The following LRRC4C variants were observed in gnomAD, a reference collection of about 807,000 sequenced individuals.
LRRC4C encodes the protein leucine-rich repeat-containing protein 4C.
Under a neutral mutation model 33.6 loss-of-function variants are expected in LRRC4C, and 5 were observed. That is an observed-to-expected ratio of 0.15 (90% CI 0.08 to 0.31). The LOEUF is 0.31. LRRC4C is among the 10% of genes least tolerant of loss of function. The pLI, the probability that LRRC4C is intolerant of heterozygous loss-of-function variation, is 1.00. For missense variants in LRRC4C, 560 were observed against 796.7 expected (o/e 0.70, Z 3.58); for synonymous variants, 329 against 302.0 (o/e 1.09, Z -0.93).
chr11:40,523,470 C>T (rs966489094), intron 3 of LRRC4C, among the ~76,000 whole-genome samples: 1 of 150,822 alleles, frequency 6.6e-6, no homozygotes, highest in Non-Finnish European at 1.5e-5. Context: ...TACCATCCTG[C>T]AGTCTTACTG....
chr11:40,979,149 T>C (rs1297980437), intron 1 of LRRC4C, among the ~76,000 whole-genome samples: 1 of 152,190 alleles, frequency 6.6e-6, no homozygotes, highest in Non-Finnish European at 1.5e-5. Flanking sequence ...ATTCTCATAC[T>C]AGGCATATGA....
At chr11:40,659,480 T>C (rs1382347321) in intron 2 of LRRC4C, among the ~76,000 whole-genome samples, 1 of 152,114 alleles carries the variant, frequency 6.6e-6, no homozygotes, top group Non-Finnish European at 1.5e-5. Flanking sequence ...TCAGAGCTCA[T>C]GGTGCTTTTT....
chr11:40,800,406 C>T lies in LRRC4C; in HGVS notation c.-407+133229G>A, dbSNP rs1950993616. ...TGGTGGCCATGGATGATATAATACA[C>T]TCTTCATCAATACCCATATTTTGTG... On this transcript the variant is annotated intron_variant, in intron 2 of 6. Transcript: ENST00000528697. 3.3e-5 allele frequency among the ~76,000 whole-genome samples: 5 copies of T among 152,172 alleles called. No homozygotes were observed. The South Asian group carries it at 1.0e-3, about 31-fold the overall frequency.
chr11:40,917,337 TAC>T (rs890817552), intron 2 of LRRC4C, among the ~76,000 whole-genome samples: 1 of 152,142 alleles, frequency 6.6e-6, no homozygotes, highest in Non-Finnish European at 1.5e-5. Flanking sequence ...ATAGAACATT[TAC>T]AGAGCTTTTC....
chr11:41,437,401 A>C (rs1442737351), intron 1 of LRRC4C, among the ~76,000 whole-genome samples: 1 of 138,116 alleles, frequency 7.2e-6, no homozygotes, highest in Admixed American at 7.7e-5. Flanking sequence ...ACACACACGC[A>C]CACACACAAA....
chr11:41,128,757 C>T lies in LRRC4C; in HGVS notation c.-495-195034G>A, dbSNP rs543295411. ...TTGGCAGGTCATTTATTTTCTAATTCCCAGATTAAAACATTTTTTTAGGCC... is the reference window on the plus strand; with the variant it reads ...TTGGCAGGTCATTTATTTTCTAATTTCCAGATTAAAACATTTTTTTAGGCC... On this transcript the variant is annotated intron_variant, in intron 1 of 6. Transcript: ENST00000528697. Among the ~76,000 whole-genome samples the T allele has an allele frequency of 3.9e-4, 59 of 151,938 alleles. No individual in the cohort carries two copies. The South Asian group carries it at 0.012, about 32-fold the overall frequency.
At chr11:40,467,328 AATC>A (rs1349254541) in intron 3 of LRRC4C, among the ~76,000 whole-genome samples, 1 of 152,098 alleles carries the variant, frequency 6.6e-6, no homozygotes, top group Non-Finnish European at 1.5e-5. Context: ...TTTTTAAAAA[AATC>A]ATCATTATTA....
chr11:40,738,422 A>G (rs1001788611), intron 2 of LRRC4C, among the ~76,000 whole-genome samples: 3 of 152,072 alleles, frequency 2.0e-5, no homozygotes, highest in South Asian at 4.1e-4. Flanking sequence ...TCTATGTACT[A>G]TCTCTCTTCT....
rs560372968 is a variant in LRRC4C at position 40,213,566 on chromosome 11, T to G, written c.-96+27953A>C. Among the ~76,000 whole-genome samples the G allele has an allele frequency of 2.0e-4, 30 of 152,278 alleles. No individual in the cohort carries two copies. The South Asian group carries it at 6.2e-3, about 32-fold the overall frequency. On this transcript the variant is annotated intron_variant, in intron 5 of 6. Coordinates refer to ENST00000528697, the MANE Select transcript of LRRC4C (RefSeq NM_001258419.2). ...GTAGCCAAAACAAAGGAACATTATATGGCCACCCTGATTCCCAAGATCCGT... is the reference window on the plus strand; with the variant it reads ...GTAGCCAAAACAAAGGAACATTATAGGGCCACCCTGATTCCCAAGATCCGT...
intron 1 of LRRC4C, among the ~76,000 whole-genome samples, chr11:41,290,142 T>G (rs1591171682): frequency 6.6e-6 from 1 of 152,186 alleles, no homozygotes; most frequent in Non-Finnish European, 1.5e-5. Flanking sequence ...ATGGACCACA[T>G]ACCAAAAACA....
chr11:40,652,961 C>T (rs1016911128), intron 2 of LRRC4C, among the ~76,000 whole-genome samples: 4 of 152,138 alleles, frequency 2.6e-5, no homozygotes, highest in Admixed American at 2.6e-4. Context: ...AGTAAATTCT[C>T]ATGAGATTTG....
intron 2 of LRRC4C, among the ~76,000 whole-genome samples, chr11:40,788,998 C>T (rs1299327608): frequency 6.9e-6 from 1 of 144,450 alleles, no homozygotes; most frequent in Non-Finnish European, 1.5e-5. Flanking sequence ...AAGGCTGAGG[C>T]AGGAGAATGG....
At chr11:41,024,216 G>A (rs754628348) in intron 1 of LRRC4C, among the ~76,000 whole-genome samples, 4 of 151,302 alleles carry the variant, frequency 2.6e-5, no homozygotes, top group South Asian at 2.1e-4. Context: ...TTAGCCAGTG[G>A]GCAAGAACAG....
chr11:40,588,919 G>A (rs1311598665), intron 3 of LRRC4C, among the ~76,000 whole-genome samples: 1 of 152,044 alleles, frequency 6.6e-6, no homozygotes, highest in Non-Finnish European at 1.5e-5. Context: ...TTTTGGAATA[G>A]GTGTGGTGTG....
chr11:41,427,909 T>C (rs1391327952), intron 1 of LRRC4C, among the ~76,000 whole-genome samples: 3 of 152,086 alleles, frequency 2.0e-5, no homozygotes, highest in African/African-American at 7.2e-5. Flanking sequence ...GCTCCCCCAC[T>C]GAGCACCTTG....
chr11:41,254,311 G>T (rs977492571), intron 1 of LRRC4C, among the ~76,000 whole-genome samples: 1 of 151,860 alleles, frequency 6.6e-6, no homozygotes, highest in Non-Finnish European at 1.5e-5. Context: ...TTTCAAAGTC[G>T]GGAATCATTG....
At chr11:41,128,519 C>T (rs1057380351) in intron 1 of LRRC4C, among the ~76,000 whole-genome samples, 1 of 152,038 alleles carries the variant, frequency 6.6e-6, no homozygotes, top group East Asian at 1.9e-4. Flanking sequence ...CTAAAGTACA[C>T]TTTTCTTGAA....
chr11:41,163,131 T>G (rs1421868602), intron 1 of LRRC4C, among the ~76,000 whole-genome samples: 2 of 152,072 alleles, frequency 1.3e-5, no homozygotes, highest in Non-Finnish European at 2.9e-5. Flanking sequence ...ATGTAAGAAG[T>G]GCCTTTCACC....
intron 3 of LRRC4C, among the ~76,000 whole-genome samples, chr11:40,590,051 T>A (rs1433651945): frequency 2.0e-5 from 3 of 151,776 alleles, no homozygotes; most frequent in Admixed American, 6.6e-5. Context: ...GAAGTTCTCC[T>A]GGATAATATC....
Sources: gnomAD v4.1 joint callset for allele counts (sites outside exome capture counted in the v4.1 genomes callset) on GRCh38, gnomAD v4.1.1 for gene constraint, MANE v1.5 for transcripts, NCBI Gene and HGNC (gene_info 2026-07-23, HGNC 2026-07-21) for gene names.